Variants in GLRA3 observed in about 807,000 individuals in gnomAD.
The protein encoded by GLRA3 is glycine receptor alpha 3.
In GLRA3, 44 loss-of-function variants were observed where a neutral mutation model predicts 60.4. That is an observed-to-expected ratio of 0.73 (90% CI 0.57 to 0.94). The LOEUF (loss-of-function observed/expected upper bound fraction) is 0.94, where lower values mean the gene tolerates loss of function less well. GLRA3 is among the 40% of genes least tolerant of loss of function. GLRA3 has a pLI of 0.00. For synonymous variants in GLRA3, 223 were observed against 192.9 expected (o/e 1.16, Z -1.29); for missense variants, 508 against 564.6 (o/e 0.90, Z 1.02).
At chr4:174,652,647 T>C (rs748160398) in intron 9 of GLRA3, among the ~76,000 whole-genome samples, 36 of 152,152 alleles carry the variant, frequency 2.4e-4, no homozygotes, top group Non-Finnish European at 4.7e-4. Flanking sequence ...TCTTTTCATT[T>C]TATTTCAATT....
At chr4:174,651,867 G>A (rs1008505769) in intron 9 of GLRA3, among the ~76,000 whole-genome samples, 1 of 152,018 alleles carries the variant, frequency 6.6e-6, no homozygotes, top group Non-Finnish European at 1.5e-5. Context: ...CATGAGATGA[G>A]GCATGTGGAG....
At chr4:174,816,627 G>GTT (rs1235017684) in intron 1 of GLRA3, among the ~76,000 whole-genome samples, 10 of 145,230 alleles carry the variant, frequency 6.9e-5, no homozygotes, top group African/African-American at 2.3e-4. Flanking sequence ...TGGACAAGTG[G>GTT]TTTTTTTTTT....
intron 7 of GLRA3, among the ~76,000 whole-genome samples, chr4:174,674,575 C>T (rs1734039652): frequency 6.6e-6 from 1 of 152,144 alleles, no homozygotes; most frequent in African/African-American, 2.4e-5. Context: ...CTGAGTCTTA[C>T]TTAAGCAATT....
chr4:174,824,998 T>G (rs1167332673), intron 1 of GLRA3, among the ~76,000 whole-genome samples: 3 of 152,120 alleles, frequency 2.0e-5, no homozygotes, highest in Admixed American at 6.5e-5. Context: ...CACAGTTGTG[T>G]GTTTAAGGGA....
intron 3 of GLRA3, among the ~76,000 whole-genome samples, chr4:174,745,081 G>T (rs75378810): frequency 1.3e-5 from 2 of 151,954 alleles, no homozygotes; most frequent in African/African-American, 2.4e-5. Context: ...TTGAAGACAG[G>T]TCTTTTGAAA....
At chr4:174,759,545 AT>A (rs1193192209) in intron 3 of GLRA3, among the ~76,000 whole-genome samples, 2 of 152,098 alleles carry the variant, frequency 1.3e-5, no homozygotes, top group Admixed American at 6.5e-5. Context: ...ACTCAAGTTT[AT>A]TTTGTGGAAT....
At chr4:174,761,024 C>A (rs1047187664) in intron 3 of GLRA3, among the ~76,000 whole-genome samples, 1 of 151,902 alleles carries the variant, frequency 6.6e-6, no homozygotes, top group Non-Finnish European at 1.5e-5. Flanking sequence ...ACAGAATGAA[C>A]ATTTATATCT....
At chr4:174,656,464 T>C (rs892552426) in intron 9 of GLRA3, among the ~76,000 whole-genome samples, 1 of 152,132 alleles carries the variant, frequency 6.6e-6, no homozygotes, top group African/African-American at 2.4e-5. Flanking sequence ...TATTTCTCTT[T>C]AACATATATT....
intron 1 of GLRA3, among the ~76,000 whole-genome samples, chr4:174,789,801 A>G (rs1739255014): frequency 1.3e-5 from 2 of 152,194 alleles, no homozygotes; most frequent in East Asian, 1.9e-4. Context: ...GGAAAGTGAC[A>G]CTGACTTTCT....
Position 174,828,822 on chromosome 4 carries a change from G to A in GLRA3, c.-11C>T, listed in dbSNP as rs1487819885. 1 of 1,576,298 alleles carries A rather than the reference G, an allele frequency of 6.3e-7. No individual in the cohort carries two copies. On this transcript the variant is annotated 5_prime_UTR_variant, in exon 1 of 10. Coordinates refer to ENST00000274093, the MANE Select transcript of GLRA3 (RefSeq NM_006529.4). ...TCTCACGTGGGCCATGATACGGAGA[G>A]ATATTCACGATCCTGAAAATAGTCT...
At chr4:174,681,609 A>G (rs1032085695) in intron 6 of GLRA3, among the ~76,000 whole-genome samples, 1 of 152,144 alleles carries the variant, frequency 6.6e-6, no homozygotes, top group African/African-American at 2.4e-5. Context: ...AGAGACAGGG[A>G]ACAACTCTTC....
Position 174,713,380 on chromosome 4 carries a change from G to A in GLRA3, c.574+2108C>T, listed in dbSNP as rs189656278. Among the ~76,000 whole-genome samples the A allele has an allele frequency of 1.9e-3, 288 of 152,140 alleles. 4 individuals are homozygous for A. The highest frequency in any genetic ancestry group is 0.015 in the South Asian group (71 of 4,812). On this transcript the variant is annotated intron_variant, in intron 5 of 9. Transcript: ENST00000274093. ...TAAGCTTTCCTTATTCAAAACATAA[G>A]CCCAGTGATCTAACCAACCCTCAGG...
chr4:174,757,433 C>CTA (rs1737764706), intron 3 of GLRA3, among the ~76,000 whole-genome samples: 1 of 152,028 alleles, frequency 6.6e-6, no homozygotes, highest in South Asian at 2.1e-4. Flanking sequence ...AATGACTGAT[C>CTA]TATGGTTGGG....
At chr4:174,807,834 A>G (rs188648185) in intron 1 of GLRA3, among the ~76,000 whole-genome samples, 79 of 152,272 alleles carry the variant, frequency 5.2e-4, no homozygotes, top group Non-Finnish European at 1.0e-3. Flanking sequence ...GCCATAATAC[A>G]TGGAATCAAA....
chr4:174,648,073 A>C (rs950877570), intron 9 of GLRA3, among the ~76,000 whole-genome samples: 1 of 152,110 alleles, frequency 6.6e-6, no homozygotes, highest in African/African-American at 2.4e-5. Context: ...GTGAATGCTA[A>C]CCCCCAATCT....
At chr4:174,698,768 A>C (rs1735173425) in intron 5 of GLRA3, among the ~76,000 whole-genome samples, 1 of 152,158 alleles carries the variant, frequency 6.6e-6, no homozygotes, top group Non-Finnish European at 1.5e-5. Flanking sequence ...AGGTGAGATA[A>C]AAAATGTCTA....
intron 7 of GLRA3, among the ~76,000 whole-genome samples, chr4:174,665,487 C>A (rs1016143403): frequency 6.6e-6 from 1 of 152,092 alleles, no homozygotes; most frequent in Non-Finnish European, 1.5e-5. Flanking sequence ...CACTTGAATG[C>A]CCCACCATCA....
intron 1 of GLRA3, among the ~76,000 whole-genome samples, chr4:174,801,263 A>G (rs1392543330): frequency 6.6e-6 from 1 of 152,030 alleles, no homozygotes; most frequent in African/African-American, 2.4e-5. Flanking sequence ...GCTAAATCCA[A>G]TTAATTCATA....
In GLRA3 at chr4:174,659,166, A is replaced by G; in HGVS notation, c.959T>C (p.Met320Thr). 2 of 1,612,220 alleles carry G rather than the reference A, an allele frequency of 1.2e-6. No individual in the cohort carries two copies. Among genetic ancestry groups the G allele is most frequent in the Non-Finnish European group, 1.7e-6 (2 of 1,178,716 alleles). The change falls in exon 8 of 10, where the codon ATG becomes ACG. Residue 320 changes from methionine (M) to threonine (T), a missense_variant. Physicochemically the swap from Met to Thr is moderately conservative, Grantham distance 81 (BLOSUM62 -1). This residue lies in a region of GLRA3 where 176 missense variants were observed against 197.9 expected (regional missense o/e 0.89). Coordinates refer to ENST00000274093, the MANE Select transcript of GLRA3 (RefSeq NM_006529.4). The part of the protein sequence containing the change: ...VSYVKAIDIW[M>T]AVCLLFVFSA... The stretch of plus-strand genomic sequence containing the variant: ...AAACACAAAAAGGAGGCATACTGCC[A>G]TCCAAATATCAATAGCTTTGACATA...
Sources: gnomAD v4.1 joint callset for allele counts (sites outside exome capture counted in the v4.1 genomes callset) on GRCh38, gnomAD v4.1.1 for gene constraint, gnomAD v4.1.1 regional missense constraint, MANE v1.5 for transcripts, NCBI Gene and HGNC (gene_info 2026-07-23, HGNC 2026-07-21) for gene names.